The following CACNB2 variants were observed in gnomAD, a reference collection of about 807,000 sequenced individuals.
CACNB2 encodes calcium voltage-gated channel auxiliary subunit beta 2, also known as voltage-dependent L-type calcium channel subunit beta-2.
In CACNB2, 42 loss-of-function variants were observed where a neutral mutation model predicts 73.3. The ratio of observed to expected loss-of-function variants is 0.57; its 90% CI spans 0.45 to 0.74. The LOEUF (loss-of-function observed/expected upper bound fraction) is 0.74, where lower values mean the gene tolerates loss of function less well. CACNB2 is among the 30% of genes least tolerant of loss of function. CACNB2 has a pLI of 0.00. For missense variants in CACNB2, 940 were observed against 853.0 expected, an observed-to-expected ratio of 1.10 and a Z score of -1.27; for synonymous variants, 348 against 310.3, an observed-to-expected ratio of 1.12 and a Z score of -1.28.
intron 2 of CACNB2, among the ~76,000 whole-genome samples, chr10:18,239,864 A>G (rs1438201290): frequency 6.6e-6 from 1 of 152,186 alleles, no homozygotes; most frequent in Admixed American, 6.5e-5. Flanking sequence ...TATTTGTTTC[A>G]AATAAGAGCT....
chr10:18,259,859 ATG>A (rs1564384009), intron 2 of CACNB2, among the ~76,000 whole-genome samples: 18 of 152,148 alleles, frequency 1.2e-4, no homozygotes, highest in Non-Finnish European at 1.5e-5. Context: ...GCAGTGAGCC[ATG>A]ATTGCACCAC....
chr10:18,426,377 C>G (rs985322551), intron 3 of CACNB2, among the ~76,000 whole-genome samples: 1 of 152,194 alleles, frequency 6.6e-6, no homozygotes, highest in African/African-American at 2.4e-5. Context: ...ACCTTTCTCT[C>G]TCAAGTTACA....
At chr10:18,527,486 G>C in intron 9 of CACNB2, 102 bp from the exon 10 acceptor site, 3 of 776,286 alleles carry the variant, frequency 3.9e-6, no homozygotes, top group Non-Finnish European at 7.0e-6. Flanking sequence ...AAATATGGTT[G>C]CTATATATAT....
Position 18,539,590 on chromosome 10 carries a change from G to C in CACNB2, c.1849G>C (p.Asp617His). The C allele has an allele frequency of 6.2e-7, 1 of 1,613,766 alleles. No individual in the cohort carries two copies. The highest frequency in any genetic ancestry group is 2.2e-5 in the East Asian group (1 of 44,828). ...TTCCCGGGACGTGGATCGAGAGCAG[G>C]ACCACAACGAGTGCAACAAGCAGCG... ...HRSRDVDREQ[D>H]HNECNKQRSR... The change falls in exon 14 of 14, where the codon GAC (aspartate) becomes CAC (histidine). Residue 617 changes from aspartate (D) to histidine (H), a missense_variant. By Grantham distance (81) the Asp-to-His change is moderately conservative. Transcript: ENST00000324631.
chr10:18,191,054 C>T (rs948242181), intron 2 of CACNB2, among the ~76,000 whole-genome samples: 4 of 151,996 alleles, frequency 2.6e-5, no homozygotes, highest in African/African-American at 9.7e-5. Context: ...AAACCAGGTG[C>T]GGGACAATGA....
chr10:18,354,350 A>G (rs2132158650), intron 2 of CACNB2, among the ~76,000 whole-genome samples: 1 of 152,052 alleles, frequency 6.6e-6, no homozygotes, highest in East Asian at 1.9e-4. Flanking sequence ...AGAACTTTCC[A>G]CTGTGCCTGG....
chr10:18,399,249 C>G (rs187366403), intron 2 of CACNB2, among the ~76,000 whole-genome samples: 1 of 152,110 alleles, frequency 6.6e-6, no homozygotes. Context: ...CTATAAGAAG[C>G]CCTCTAGGAA....
chr10:18,475,128 G>T (rs1006347453), intron 3 of CACNB2, among the ~76,000 whole-genome samples: 2 of 151,066 alleles, frequency 1.3e-5, no homozygotes, highest in South Asian at 2.1e-4. Flanking sequence ...ATGGGAGAGG[G>T]TGCAGAACAT....
At chr10:18,453,265 A>G (rs891864878) in intron 3 of CACNB2, among the ~76,000 whole-genome samples, 6 of 152,186 alleles carry the variant, frequency 3.9e-5, no homozygotes, top group African/African-American at 1.2e-4. Context: ...CTAAAAACCT[A>G]TTGTGACTGT....
chr10:18,382,100 T>C (rs1485538972), intron 2 of CACNB2, among the ~76,000 whole-genome samples: 1 of 152,042 alleles, frequency 6.6e-6, no homozygotes, highest in Non-Finnish European at 1.5e-5. Context: ...ACCTCTGATG[T>C]TCATGTGTGT....
rs1554830136 is a variant in CACNB2, at chr10:18,492,634, A to AG, written c.334-5721_334-5720insG. Among the ~76,000 whole-genome samples, 238 of 130,328 alleles carry AG rather than the reference A, an allele frequency of 1.8e-3. 1 individual carries two copies. The highest frequency in any genetic ancestry group is 8.7e-3 in the African/African-American group (224 of 25,866). 85.5% of individuals were successfully genotyped at this position (130,328 alleles called of 152,430 possible). A position where few individuals can be genotyped will look rare whatever the true frequency, so the allele number is the denominator to read the frequency against. ...AGACTCTGTCTCAAAAAAAAAAAAA[A>AG]AAAAGAAAAAAAGAAAAGAAAAGAA... On this transcript the variant is annotated intron_variant, in intron 3 of 13. Coordinates refer to ENST00000324631, the MANE Select transcript of CACNB2 (RefSeq NM_201596.3).
At chr10:18,495,460 C>A (rs2049736502) in intron 3 of CACNB2, among the ~76,000 whole-genome samples, 1 of 151,938 alleles carries the variant, frequency 6.6e-6, no homozygotes, top group Non-Finnish European at 1.5e-5. Flanking sequence ...CTCAGGTGAT[C>A]CTCCCACCTT....
At chr10:18,413,963 G>A (rs1053358046) in intron 3 of CACNB2, among the ~76,000 whole-genome samples, 6 of 152,246 alleles carry the variant, frequency 3.9e-5, no homozygotes, top group South Asian at 2.1e-4. Context: ...AATGAAACAA[G>A]TGTCTTTGCC....
At chr10:18,180,492 C>T (rs571453846) in intron 2 of CACNB2, among the ~76,000 whole-genome samples, 19 of 151,330 alleles carry the variant, frequency 1.3e-4, no homozygotes, top group Admixed American at 4.6e-4. Context: ...TTGGGTCTTA[C>T]GGTCACAAAT....
At chr10:18,310,116 C>T (rs1437499467) in intron 2 of CACNB2, among the ~76,000 whole-genome samples, 1 of 151,478 alleles carries the variant, frequency 6.6e-6, no homozygotes, top group African/African-American at 2.4e-5. Flanking sequence ...TTTCAACTTG[C>T]GTGCTACAGG....
At chr10:18,160,834 T>C (rs553314179) in intron 2 of CACNB2, among the ~76,000 whole-genome samples, 2 of 152,342 alleles carry the variant, frequency 1.3e-5, no homozygotes, top group Admixed American at 6.5e-5. Flanking sequence ...TCACATTTGA[T>C]GATTATCACA....
chr10:18,340,788 A>C, intron 2 of CACNB2: 1 of 1,587,792 alleles, frequency 6.3e-7, no homozygotes, highest in African/African-American at 1.3e-5. Flanking sequence ...TACACACCCC[A>C]AGCCAGCAAG....
intron 2 of CACNB2, among the ~76,000 whole-genome samples, chr10:18,251,472 T>C (rs2131554528): frequency 6.6e-6 from 1 of 152,266 alleles, no homozygotes; most frequent in African/African-American, 2.4e-5. Context: ...GGTCTTGAAC[T>C]CCTGACCCCA....
At chr10:18,223,124 G>A (rs943055726) in intron 2 of CACNB2, among the ~76,000 whole-genome samples, 7 of 152,168 alleles carry the variant, frequency 4.6e-5, no homozygotes, top group Non-Finnish European at 1.0e-4. Context: ...ACACACAGAT[G>A]AGCCATTTAA....
Sources: allele counts gnomAD v4.1 joint callset (sites outside exome capture counted in the v4.1 genomes callset), GRCh38; gene constraint gnomAD v4.1.1; transcripts MANE v1.5; gene names NCBI Gene and HGNC (gene_info 2026-07-23, HGNC 2026-07-21).